Variants in FSTL4 observed in about 807,000 individuals in gnomAD.
FSTL4 encodes the protein follistatin like 4.
FSTL4 carries 28 observed loss-of-function variants against 78.2 expected under a neutral mutation model. The ratio of observed to expected loss-of-function variants is 0.36; its 90% confidence interval spans 0.27 to 0.49. The LOEUF is 0.49. Ranked by LOEUF, FSTL4 falls within the 20% of genes least tolerant of loss-of-function variation. FSTL4 has a pLI of 0.98. For synonymous variants in FSTL4, 422 were observed against 440.5 expected (o/e 0.96, Z 0.53); for missense variants, 922 against 1,084.9 (o/e 0.85, Z 2.11).
At chr5:133,741,863 G>A in the FSTL4 span, among the ~76,000 whole-genome samples, 2 of 152,182 alleles carry the variant, frequency 1.3e-5, no homozygotes, top group Non-Finnish European at 2.9e-5. Flanking sequence ...TTTAGGAGAT[G>A]TTTCTATCCT....
the FSTL4 span, among the ~76,000 whole-genome samples, chr5:133,705,596 C>A: frequency 6.6e-6 from 1 of 152,138 alleles, no homozygotes; most frequent in Non-Finnish European, 1.5e-5. Context: ...TCACCTTGTG[C>A]GTTCCTGTGA....
At chr5:133,405,183 C>T (rs1756329176) in intron 3 of FSTL4, among the ~76,000 whole-genome samples, 1 of 152,234 alleles carries the variant, frequency 6.6e-6, no homozygotes, top group Admixed American at 6.5e-5. Context: ...CACGACCTAG[C>T]ACTGAATTCC....
At chr5:133,446,423 G>A (rs552819438) in intron 3 of FSTL4, among the ~76,000 whole-genome samples, 5 of 152,290 alleles carry the variant, frequency 3.3e-5, no homozygotes, top group Admixed American at 6.5e-5. Flanking sequence ...GCAACAGAGC[G>A]AGACTCTGTC....
Position 133,224,039 on chromosome 5 carries a change from A to G in FSTL4, c.1339+151T>C, listed in dbSNP as rs543528879. The G allele has an allele frequency of 1.0e-5, 6 of 573,350 alleles. No individual in the cohort carries two copies. In the South Asian group the frequency reaches 1.5e-4, roughly 15 times the overall value. The allele number at this position is 573,350 out of a possible 1,614,324, so 35.5% of individuals were successfully genotyped here. On this transcript the variant is annotated intron_variant, in intron 11 of 15. Transcript: ENST00000265342. ...AGGAGTACATTTTAAATTTGATTCA[A>G]TGCATATGCCACTTGAATTTGACAT...
chr5:133,432,699 A>G (rs533478219), intron 3 of FSTL4, among the ~76,000 whole-genome samples: 49 of 152,312 alleles, frequency 3.2e-4, no homozygotes, highest in Admixed American at 5.2e-4. Context: ...TACAAATCTT[A>G]TATTCCAGTG....
intron 3 of FSTL4, among the ~76,000 whole-genome samples, chr5:133,406,116 G>A (rs575391115): frequency 9.2e-5 from 14 of 152,320 alleles, no homozygotes; most frequent in African/African-American, 1.7e-4. Flanking sequence ...GTGCTGCAGC[G>A]GGCACACTTT....
the FSTL4 span, among the ~76,000 whole-genome samples, chr5:133,703,237 T>G: frequency 2.6e-5 from 4 of 152,244 alleles, no homozygotes; most frequent in African/African-American, 9.6e-5. Flanking sequence ...GTAATTTGTC[T>G]CTGCATCTCC....
chr5:133,479,039 G>T (rs10463522), intron 3 of FSTL4, among the ~76,000 whole-genome samples: 24,334 of 152,170 alleles, frequency 0.16, 2,485 homozygotes, highest in Middle Eastern at 0.22. Context: ...TACTGCCGGG[G>T]AGAAATTGAG....
intron 2 of FSTL4, among the ~76,000 whole-genome samples, chr5:133,592,400 C>T (rs1256889881): frequency 6.6e-6 from 1 of 152,222 alleles, no homozygotes; most frequent in East Asian, 1.9e-4. Context: ...CAAGAACAGT[C>T]ATTTTGAATA....
At chr5:133,402,292 G>A (rs947595400) in intron 3 of FSTL4, among the ~76,000 whole-genome samples, 3 of 152,190 alleles carry the variant, frequency 2.0e-5, no homozygotes, top group South Asian at 2.1e-4. Flanking sequence ...GAAAGGGCAC[G>A]TTTAAGTGAA....
At chr5:133,358,394 C>T (rs758295295) in intron 4 of FSTL4, among the ~76,000 whole-genome samples, 26 of 152,068 alleles carry the variant, frequency 1.7e-4, no homozygotes, top group Non-Finnish European at 3.5e-4. Context: ...AGAGGAATGA[C>T]GGCCTTACGT....
chr5:133,391,260 A>G (rs541917605), intron 4 of FSTL4, among the ~76,000 whole-genome samples: 10 of 152,330 alleles, frequency 6.6e-5, no homozygotes, highest in Admixed American at 2.0e-4. Context: ...TGAAGGCACG[A>G]TAGGGGAGAA....
chr5:133,614,005 G>T (rs1761157916), upstream of FSTL4, among the ~76,000 whole-genome samples: 1 of 152,168 alleles, frequency 6.6e-6, no homozygotes, highest in African/African-American at 2.4e-5. Flanking sequence ...TTTCATCTTG[G>T]GAAACAGAAA....
chr5:133,356,709 G>A (rs977353428), intron 4 of FSTL4, among the ~76,000 whole-genome samples: 1 of 152,246 alleles, frequency 6.6e-6, no homozygotes, highest in African/African-American at 2.4e-5. Context: ...GGGAAAAAAA[G>A]CATGAAAGAC....
intron 6 of FSTL4, among the ~76,000 whole-genome samples, chr5:133,285,886 G>A (rs969359420): frequency 5.9e-5 from 9 of 152,228 alleles, no homozygotes; most frequent in African/African-American, 2.2e-4. Context: ...CCTGTCCACT[G>A]GGCTGTCAGC....
At chr5:133,811,766 C>A in the FSTL4 span, among the ~76,000 whole-genome samples, 6 of 152,334 alleles carry the variant, frequency 3.9e-5, no homozygotes, top group South Asian at 1.2e-3. Context: ...TACCCTCACA[C>A]CCCTGGGGAG....
At chr5:133,772,674 C>T in the FSTL4 span, among the ~76,000 whole-genome samples, 1 of 152,076 alleles carries the variant, frequency 6.6e-6, no homozygotes, top group Non-Finnish European at 1.5e-5. Context: ...ACGAGAGAGC[C>T]AGGGAGGGCC....
intron 6 of FSTL4, chr5:133,266,543 G>A (rs1752645992): frequency 6.6e-6 from 1 of 152,312 alleles, no homozygotes; most frequent in Admixed American, 6.5e-5. Flanking sequence ...GGTGAGCCAG[G>A]AATGCTGTGG....
chr5:133,748,411 A>G, the FSTL4 span, among the ~76,000 whole-genome samples: 2 of 151,638 alleles, frequency 1.3e-5, no homozygotes, highest in African/African-American at 4.9e-5. Flanking sequence ...CTCTACTAAA[A>G]ATACAAAAAA....
Sources: allele counts gnomAD v4.1 joint callset (sites outside exome capture counted in the v4.1 genomes callset), GRCh38; gene constraint gnomAD v4.1.1; transcripts MANE v1.5; gene names NCBI Gene and HGNC (gene_info 2026-07-23, HGNC 2026-07-21).